GFOD1: variants seen among roughly 807,000 people sequenced by gnomAD.
The protein encoded by GFOD1 is Gfo/Idh/MocA-like oxidoreductase domain containing 1.
A neutral mutation model predicts 25.4 loss-of-function variants in GFOD1; 9 were observed. The ratio of observed to expected loss-of-function variants is 0.35; its 90% CI spans 0.21 to 0.62. The LOEUF is 0.62. GFOD1 is among the 20% of genes least tolerant of loss of function. The probability of loss-of-function intolerance (pLI) is 0.72; values close to 1 mark genes in which losing one functional copy is unlikely to be tolerated. For synonymous variants in GFOD1, 253 were observed against 245.6 expected (o/e 1.03, Z -0.28); for missense variants, 403 against 556.9 (o/e 0.72, Z 2.78).
intron 1 of GFOD1, 173 bp downstream of exon 1, chr6:13,486,465 C>G: frequency 1.6e-6 from 1 of 644,328 alleles, no homozygotes; most frequent in Non-Finnish European, 2.7e-6. Flanking sequence ...TGGGGAAGGC[C>G]GGGGACGAGG....
intron 1 of GFOD1, chr6:13,469,254 A>G (rs768522539): frequency 1.3e-5 from 13 of 985,406 alleles, no homozygotes; most frequent in Non-Finnish European, 1.6e-5. Flanking sequence ...ATGGAGGAAT[A>G]CATCACACTC....
chr6:13,414,651 A>G (rs1786135351), intron 1 of GFOD1, among the ~76,000 whole-genome samples: 1 of 152,224 alleles, frequency 6.6e-6, no homozygotes, highest in Non-Finnish European at 1.5e-5. Flanking sequence ...TATCATAGGC[A>G]TGTTGGGAAA....
chr6:13,447,035 G>T (rs1428168617), intron 1 of GFOD1, among the ~76,000 whole-genome samples: 1 of 152,152 alleles, frequency 6.6e-6, no homozygotes, highest in South Asian at 2.1e-4. Flanking sequence ...TAAACAATCC[G>T]CTGATTTCAC....
intron 1 of GFOD1, among the ~76,000 whole-genome samples, chr6:13,482,092 T>C (rs1758764461): frequency 6.7e-6 from 1 of 149,270 alleles, no homozygotes; most frequent in Admixed American, 6.7e-5. Context: ...TATGTATATA[T>C]TATATGTTAT....
At position 13,365,111 on chromosome 6, in the gene GFOD1, G is replaced by T; in HGVS notation, c.805C>A (p.Arg269Ser). 2 of 1,612,702 alleles carry T rather than the reference G, an allele frequency of 1.2e-6. No homozygotes were observed. Among genetic ancestry groups the T allele is most frequent in the Non-Finnish European group, 1.7e-6 (2 of 1,179,794 alleles). ...AGCTCCTGCTCCGGGGCGCTGTTGC[G>T]CTGCCCGTACAGGTCGGTGCCCACG... ...LAVGTDLYGQ[R>S]NSAPEQELLV... The change falls in exon 2 of 2, where the codon CGC (arginine) becomes AGC (serine). Residue 269 changes from arginine (R) to serine (S), a missense_variant. Physicochemically the swap from Arg to Ser is moderately radical, Grantham distance 110. Transcript: ENST00000379287. The surrounding 1 kb of genome is among the most constrained non-coding windows in gnomAD (Gnocchi z 9.2).
At chr6:13,447,896 G>A (rs1475056455) in intron 1 of GFOD1, among the ~76,000 whole-genome samples, 5 of 152,076 alleles carry the variant, frequency 3.3e-5, no homozygotes, top group Non-Finnish European at 5.9e-5. Flanking sequence ...ACAGAGGGCT[G>A]AGGAGGGCTG....
At chr6:13,437,639 T>C (rs940753462) in intron 1 of GFOD1, among the ~76,000 whole-genome samples, 2 of 152,338 alleles carry the variant, frequency 1.3e-5, no homozygotes, top group Non-Finnish European at 1.5e-5. Context: ...AAACCTCTTA[T>C]AATCAGCCCA....
chr6:13,442,646 A>C (rs542905509), intron 1 of GFOD1, among the ~76,000 whole-genome samples: 1 of 152,358 alleles, frequency 6.6e-6, no homozygotes, highest in East Asian at 1.9e-4. Context: ...AAAGTCTTAG[A>C]GTCCTTAATA....
At chr6:13,433,168 G>A (rs1253067020) in intron 1 of GFOD1, among the ~76,000 whole-genome samples, 1 of 144,106 alleles carries the variant, frequency 6.9e-6, no homozygotes, top group African/African-American at 2.6e-5. Flanking sequence ...CACTCAGGCT[G>A]GAGTGCAATG....
intron 1 of GFOD1, among the ~76,000 whole-genome samples, chr6:13,440,382 G>A (rs988697770): frequency 2.6e-5 from 4 of 151,968 alleles, no homozygotes; most frequent in African/African-American, 9.7e-5. Context: ...GTAGAGACAG[G>A]GTTTCACCAT....
At chr6:13,397,007 G>A (rs982156631) in intron 1 of GFOD1, among the ~76,000 whole-genome samples, 1 of 152,214 alleles carries the variant, frequency 6.6e-6, no homozygotes, top group African/African-American at 2.4e-5. Context: ...GGCTTCCTGA[G>A]TGGTGGTGAT....
Position 13,363,019 on chromosome 6 carries a change from T to C in GFOD1, c.*1724A>G, listed in dbSNP as rs757693758. 1.3e-5 allele frequency: 2 copies of C among 152,222 alleles called. No homozygotes were observed. Among genetic ancestry groups the C allele is most frequent in the African/African-American group, 4.8e-5 (2 of 41,450 alleles). The allele number at this position is 152,222 out of a possible 1,614,324, so 9.4% of individuals were successfully genotyped here. On this transcript the variant is annotated 3_prime_UTR_variant, in exon 2 of 2. Transcript: ENST00000379287. ...AGTGAGCCTGTGAACAAAAGCTACG[T>C]AGACTTATGAGGAATGGCTTCCACG... is the stretch of plus-strand genomic sequence containing the variant.
chr6:13,454,962 T>C (rs1411244256), intron 1 of GFOD1, among the ~76,000 whole-genome samples: 3 of 152,172 alleles, frequency 2.0e-5, no homozygotes, highest in Admixed American at 1.3e-4. Context: ...TGTCTTGATA[T>C]CAAAAACCTG....
rs753312583 is a variant in GFOD1 at position 13,382,453 on chromosome 6, C to T, written c.254-16791G>A. Among the ~76,000 whole-genome samples the T allele has an allele frequency of 6.6e-5, 10 of 152,230 alleles. No individual in the cohort carries two copies. In the South Asian group the frequency reaches 1.9e-3, roughly 28 times the overall value. On this transcript the variant is annotated intron_variant, in intron 1 of 1. Transcript: ENST00000379287. The stretch of plus-strand genomic sequence containing the variant: ...TCCCCTGCACTCACTCTCTTGCCTG[C>T]CACCATGTAAGATGTGACTTTGCTT...
intron 1 of GFOD1, among the ~76,000 whole-genome samples, chr6:13,367,467 C>T (rs1216937336): frequency 1.3e-5 from 2 of 152,188 alleles, no homozygotes; most frequent in African/African-American, 2.4e-5. Flanking sequence ...CTGCTTCCTT[C>T]CCGACCCCCA....
chr6:13,365,983 G>T lies in GFOD1; in HGVS notation c.254-321C>A, dbSNP rs1295979072. On this transcript the variant is annotated intron_variant, in intron 1 of 1. Transcript: ENST00000379287. The surrounding 1 kb of genome is among the most constrained non-coding windows in gnomAD (Gnocchi z 9.2). Reference sequence around the variant, plus strand: ...GCTACTCAGGAGGCCGAAGTGGGAGGATCACTTGAGCCCAGGAGGTTGAGG... The same window carrying T: ...GCTACTCAGGAGGCCGAAGTGGGAGTATCACTTGAGCCCAGGAGGTTGAGG... 6.6e-6 allele frequency among the ~76,000 whole-genome samples: 1 copy of T among 150,720 alleles called. No individual in the cohort carries two copies. The highest frequency in any genetic ancestry group is 1.5e-5 in the Non-Finnish European group (1 of 67,768).
intron 1 of GFOD1, among the ~76,000 whole-genome samples, chr6:13,478,440 A>G (rs1358666034): frequency 1.3e-5 from 2 of 152,190 alleles, no homozygotes; most frequent in African/African-American, 4.8e-5. Flanking sequence ...ACCCAGCCGA[A>G]ATGTCCATAT....
chr6:13,391,511 C>CAAAAAAAAAAAAAAAAAAAAAAA (rs57340590), intron 1 of GFOD1, among the ~76,000 whole-genome samples: 7 of 108,652 alleles, frequency 6.4e-5, no homozygotes, highest in Non-Finnish European at 7.2e-5. Flanking sequence ...AACAAACAAA[C>CAAAAAAAAAAAAAAAAAAAAAAA]AAAAAAAAAA....
At chr6:13,475,829 C>T (rs925743133) in intron 1 of GFOD1, among the ~76,000 whole-genome samples, 2 of 151,876 alleles carry the variant, frequency 1.3e-5, no homozygotes, top group African/African-American at 4.8e-5. Flanking sequence ...GAGGCTGAGG[C>T]AGGAGAATCA....
Sources: gnomAD v4.1 joint callset for allele counts (sites outside exome capture counted in the v4.1 genomes callset) on GRCh38, gnomAD v4.1.1 for gene constraint, Gnocchi (gnomAD v3.1) non-coding constraint, MANE v1.5 for transcripts, NCBI Gene and HGNC (gene_info 2026-07-23, HGNC 2026-07-21) for gene names.